Variants in GSPT1 observed in about 807,000 individuals in gnomAD.
GSPT1 encodes eukaryotic peptide chain release factor GTP-binding subunit ERF3A.
A neutral mutation model predicts 72.5 loss-of-function variants in GSPT1; 20 were observed. That is an observed-to-expected ratio of 0.28 (90% CI 0.19 to 0.40). The LOEUF (loss-of-function observed/expected upper bound fraction) is 0.40. Ranked by LOEUF, GSPT1 falls within the 10% of genes least tolerant of loss-of-function variation. The pLI, the probability that GSPT1 is intolerant of heterozygous loss-of-function variation, is 1.00. For synonymous variants in GSPT1, 334 were observed against 293.5 expected (o/e 1.14, Z -1.41); for missense variants, 580 against 811.9 (o/e 0.71, Z 3.47).
chr16:11,883,913 A>G (rs1246729183), intron 10 of GSPT1, among the ~76,000 whole-genome samples: 1 of 147,206 alleles, frequency 6.8e-6, no homozygotes, highest in Non-Finnish European at 1.5e-5. Context: ...CTCCATCTCA[A>G]AAAAAAAAAA....
At chr16:11,894,818 G>A in intron 5 of GSPT1, 136 bp downstream of exon 5, 1 of 590,846 alleles carries the variant, frequency 1.7e-6, no homozygotes. Context: ...TCAGTATTGT[G>A]TCCCAGTAAT....
At chr16:11,873,531 G>A (rs1370074938) in intron 14 of GSPT1, among the ~76,000 whole-genome samples, 5 of 151,946 alleles carry the variant, frequency 3.3e-5, no homozygotes, top group Admixed American at 1.3e-4. Flanking sequence ...GGCTGGTCTT[G>A]AACTCCTGAC....
In GSPT1 at chr16:11,896,620, A is replaced by G; in HGVS notation, c.602T>C (p.Val201Ala). The G allele has an allele frequency of 6.2e-7, 1 of 1,610,102 alleles. No individual in the cohort carries two copies. The highest frequency in any genetic ancestry group is 8.5e-7 in the Non-Finnish European group (1 of 1,178,058). ...EEEEIPKPKS[V>A]VAPPGAPKKE... ...CTTAGGAGCACCTGGCGGTGCAACC[A>G]CAGACTTAGGTTTTGGGATTTCCTC... The change falls in exon 4 of 15, where the codon GTG (valine) becomes GCG (alanine). Residue 201 changes from valine (V) to alanine (A), a missense_variant. By Grantham distance (64) the Val-to-Ala change is moderately conservative. Transcript: ENST00000434724.
chr16:11,880,631 T>G (rs2054110371), intron 11 of GSPT1, among the ~76,000 whole-genome samples: 1 of 152,198 alleles, frequency 6.6e-6, no homozygotes, highest in African/African-American at 2.4e-5. Context: ...TCCAGCCCTG[T>G]GGATTTGATT....
Position 11,871,154 on chromosome 16 carries a change from AATCT to A in GSPT1, c.*1961_*1964del, listed in dbSNP as rs2053973673. 1 of 152,224 alleles carries A rather than the reference AATCT, an allele frequency of 6.6e-6. No homozygotes were observed. The highest frequency in any genetic ancestry group is 1.5e-5 in the Non-Finnish European group (1 of 68,050). 9.4% of individuals were successfully genotyped at this position (152,224 alleles called of 1,614,324 possible). A position where few individuals can be genotyped will look rare whatever the true frequency, so the allele number is the denominator to read the frequency against. On this transcript the variant is annotated 3_prime_UTR_variant, in exon 15 of 15. Coordinates refer to ENST00000434724, the MANE Select transcript of GSPT1 (RefSeq NM_002094.4). The stretch of plus-strand genomic sequence containing the variant: ...GCCCAGAGATTTGCAGACATAATAA[AATCT>A]ATTTAAATTTCATGCAATAGCCATA...
In GSPT1 at chr16:11,891,369, T is replaced by TATA. The variant is rs200834728; in HGVS notation, c.699-231_699-230insTAT. On this transcript the variant is annotated intron_variant, in intron 5 of 14. Coordinates refer to ENST00000434724, the MANE Select transcript of GSPT1 (RefSeq NM_002094.4). Reference sequence around the variant, plus strand: ...TATATATATTACATATATATATATATTTTTTTTTTTGAGACAGAGTTTCGC... The same window carrying TATA: ...TATATATATTACATATATATATATATATATTTTTTTTTTGAGACAGAGTTTCGC... Among the ~76,000 whole-genome samples the TATA allele has an allele frequency of 5.0e-4, 66 of 131,886 alleles. 1 individual carries two copies. Among genetic ancestry groups the TATA allele is most frequent in the Middle Eastern group, 7.8e-3 (2 of 256 alleles). 86.5% of individuals were successfully genotyped at this position (131,886 alleles called of 152,430 possible). A position where few individuals can be genotyped will look rare whatever the true frequency, so the allele number is the denominator to read the frequency against.
chr16:11,894,390 T>C (rs2054308796), intron 5 of GSPT1, among the ~76,000 whole-genome samples: 1 of 151,896 alleles, frequency 6.6e-6, no homozygotes, highest in Admixed American at 6.6e-5. Flanking sequence ...GATCAAAAAA[T>C]TATCTTAGCA....
At chr16:11,914,304 C>G (rs894831298) in intron 1 of GSPT1, among the ~76,000 whole-genome samples, 1 of 152,178 alleles carries the variant, frequency 6.6e-6, no homozygotes, top group Non-Finnish European at 1.5e-5. Context: ...CTACCTACCA[C>G]AAAATAAGCA....
chr16:11,908,091 A>C (rs1339375193), intron 1 of GSPT1: 1 of 152,092 alleles, frequency 6.6e-6, no homozygotes, highest in African/African-American at 2.4e-5. Flanking sequence ...AAAATACAAA[A>C]ATTAGCTGGG....
intron 5 of GSPT1, among the ~76,000 whole-genome samples, chr16:11,893,134 C>A (rs1039608396): frequency 1.3e-5 from 2 of 151,614 alleles, no homozygotes; most frequent in African/African-American, 4.9e-5. Flanking sequence ...GTGGTGCAAG[C>A]GTGTAGTCCC....
At chr16:11,899,415 A>C (rs1214226921) in intron 1 of GSPT1, among the ~76,000 whole-genome samples, 2 of 152,098 alleles carry the variant, frequency 1.3e-5, no homozygotes, top group Non-Finnish European at 2.9e-5. Flanking sequence ...AGAGTGGGCA[A>C]GACCCCACAG....
rs1231053499 is a variant in GSPT1, at chr16:11,877,926, T to C, written c.1429-346A>G. Among the ~76,000 whole-genome samples, 3 of 152,232 alleles carry C rather than the reference T, an allele frequency of 2.0e-5. No homozygotes were observed. The highest frequency in any genetic ancestry group is 1.3e-4 in the Admixed American group (2 of 15,274). ...TTTATGGATATAATTTTTATTATTATGGAATTCTATGAAGGATTTAATAAA... is the reference window on the plus strand; with the variant it reads ...TTTATGGATATAATTTTTATTATTACGGAATTCTATGAAGGATTTAATAAA... On this transcript the variant is annotated intron_variant, in intron 11 of 14. Transcript: ENST00000434724. This position sits in a 1 kb window ranked among gnomAD's most constrained non-coding sequence, Gnocchi z 4.0.
intron 5 of GSPT1, 125 bp from the exon 6 acceptor site, chr16:11,891,264 T>C (rs2054255169): frequency 3.0e-6 from 1 of 335,882 alleles, no homozygotes; most frequent in Non-Finnish European, 5.3e-6. Flanking sequence ...TGTGTGTGTC[T>C]GTCTAAAAAA....
In GSPT1 at chr16:11,896,780, T is replaced by A; in HGVS notation, c.442A>T (p.Asn148Tyr). Reference sequence around the variant, plus strand: ...TCTGGAGACATTTCTGTCTCTCCATTTTCTACTGAAGAAAGACATTTTAAC... The same window carrying A: ...TCTGGAGACATTTCTGTCTCTCCATATTCTACTGAAGAAAGACATTTTAAC... ...SMELSEPIVE[N>Y]GETEMSPEES... is the part of the protein sequence containing the mutation. Residue 148 changes from asparagine (N) to tyrosine (Y), a missense_variant, in exon 4 of 15, where the codon AAT becomes TAT. This residue lies in a region of GSPT1 where 327 missense variants were observed against 298.8 expected (regional missense o/e 1.09). Transcript: ENST00000434724. 1.9e-6 allele frequency: 3 copies of A among 1,559,514 alleles called. No homozygotes were observed. Among genetic ancestry groups the A allele is most frequent in the Non-Finnish European group, 2.6e-6 (3 of 1,144,184 alleles).
intron 1 of GSPT1, among the ~76,000 whole-genome samples, chr16:11,907,812 G>C (rs149167917): frequency 6.6e-6 from 1 of 152,202 alleles, no homozygotes; most frequent in South Asian, 2.1e-4. Context: ...AACATTCTAA[G>C]AACCTCTTTA....
At chr16:11,899,169 T>G (rs1199208529) in intron 1 of GSPT1, among the ~76,000 whole-genome samples, 1 of 152,142 alleles carries the variant, frequency 6.6e-6, no homozygotes, top group Non-Finnish European at 1.5e-5. Flanking sequence ...ACAGCAAGTA[T>G]GAAAAAATAA....
chr16:11,892,400 T>C (rs942040644), intron 5 of GSPT1, among the ~76,000 whole-genome samples: 31 of 150,350 alleles, frequency 2.1e-4, no homozygotes, highest in Admixed American at 1.5e-3. Flanking sequence ...TCTCAGCACT[T>C]TGGGAAGCTG....
At chr16:11,899,599 C>T (rs936308153) in intron 1 of GSPT1, among the ~76,000 whole-genome samples, 5 of 152,050 alleles carry the variant, frequency 3.3e-5, no homozygotes, top group African/African-American at 7.2e-5. Context: ...AGGGGGGAAA[C>T]GCATTTGAAC....
chr16:11,895,988 G>A (rs2054333561), intron 4 of GSPT1, among the ~76,000 whole-genome samples: 1 of 152,192 alleles, frequency 6.6e-6, no homozygotes, highest in African/African-American at 2.4e-5. Context: ...TTCATATCTG[G>A]GGGGAAGGCA....
Sources: allele counts gnomAD v4.1 joint callset (sites outside exome capture counted in the v4.1 genomes callset), GRCh38; gene constraint gnomAD v4.1.1; regional missense constraint gnomAD v4.1.1; non-coding constraint Gnocchi (gnomAD v3.1); transcripts MANE v1.5; gene names NCBI Gene and HGNC (gene_info 2026-07-23, HGNC 2026-07-21).